The following PTBP3 variants were observed in gnomAD, a reference collection of about 807,000 sequenced individuals.
PTBP3 encodes polypyrimidine tract-binding protein 3.
A neutral mutation model predicts 58.7 loss-of-function variants in PTBP3; 20 were observed. The observed-to-expected ratio is 0.34, with a 90% CI of 0.24 to 0.50. PTBP3 has a LOEUF of 0.50. PTBP3 is among the 20% of genes least tolerant of loss of function. The pLI is 0.98. For synonymous variants in PTBP3, 185 were observed against 219.8 expected (o/e 0.84, Z 1.40); for missense variants, 509 against 637.2 (o/e 0.80, Z 2.17).
chr9:112,231,007 T>C lies in PTBP3; in HGVS notation c.1054+373A>G, dbSNP rs552309163. Among the ~76,000 whole-genome samples the C allele has an allele frequency of 2.1e-4, 32 of 151,006 alleles. No homozygotes were observed. In the South Asian group the frequency reaches 2.3e-3, roughly 11 times the overall value. On this transcript the variant is annotated intron_variant, in intron 10 of 13. Coordinates refer to ENST00000374257, the MANE Select transcript of PTBP3 (RefSeq NM_001163788.4). Reference sequence around the variant, plus strand: ...ACCAGGTCTCCATTATGCTTGCCTATGCTCACCACTGGGCTTCCTTCACTT... The same window carrying C: ...ACCAGGTCTCCATTATGCTTGCCTACGCTCACCACTGGGCTTCCTTCACTT...
the PTBP3 span, among the ~76,000 whole-genome samples, chr9:112,343,595 G>A: frequency 2.0e-5 from 3 of 151,982 alleles, no homozygotes; most frequent in African/African-American, 7.2e-5. Flanking sequence ...TTTGAGAACA[G>A]CCTGGCCAAC....
At chr9:112,311,351 T>C (rs990106271) in intron 1 of PTBP3, among the ~76,000 whole-genome samples, 2 of 152,186 alleles carry the variant, frequency 1.3e-5, no homozygotes, top group African/African-American at 4.8e-5. Flanking sequence ...CAATACAGCA[T>C]AACAACTATT....
At chr9:112,336,811 T>G (rs1406439027), upstream of PTBP3, among the ~76,000 whole-genome samples, 1 of 152,152 alleles carries the variant, frequency 6.6e-6, no homozygotes, top group African/African-American at 2.4e-5. Context: ...TGTCCGAAAT[T>G]TATTGTTCAT....
chr9:112,244,182 C>T (rs867317052), intron 7 of PTBP3, among the ~76,000 whole-genome samples: 6 of 148,416 alleles, frequency 4.0e-5, no homozygotes, highest in African/African-American at 1.0e-4. Context: ...GTCCCAGCTT[C>T]GGGAGGCTGA....
upstream of PTBP3, among the ~76,000 whole-genome samples, chr9:112,335,044 C>A (rs1177820549): frequency 6.6e-6 from 1 of 152,200 alleles, no homozygotes; most frequent in African/African-American, 2.4e-5. Context: ...GTAGCTGATG[C>A]AGTCTTTCTA....
intron 2 of PTBP3, among the ~76,000 whole-genome samples, chr9:112,288,879 C>T (rs7027045): frequency 0.85 from 129,082 of 152,050 alleles, 55,204 homozygotes; most frequent in African/African-American, 0.95. Flanking sequence ...TAAAGCAACC[C>T]GCATTTCTTG....
chr9:112,305,533 G>C (rs1331223677), intron 1 of PTBP3, among the ~76,000 whole-genome samples: 1 of 152,138 alleles, frequency 6.6e-6, no homozygotes, highest in Non-Finnish European at 1.5e-5. Context: ...CTGATGCTGG[G>C]GAAGTAATGT....
chr9:112,276,358 TA>T (rs1211572979), intron 2 of PTBP3, among the ~76,000 whole-genome samples: 2 of 152,214 alleles, frequency 1.3e-5, no homozygotes, highest in Non-Finnish European at 2.9e-5. Context: ...ATGATGCCTT[TA>T]ATGTATTTTA....
intron 2 of PTBP3, among the ~76,000 whole-genome samples, chr9:112,284,685 G>C (rs1230335632): frequency 6.6e-6 from 1 of 152,126 alleles, no homozygotes; most frequent in Non-Finnish European, 1.5e-5. Context: ...AACAGAGCAA[G>C]AATCCGTCTC....
chr9:112,293,241 T>C (rs1033726712), intron 2 of PTBP3, among the ~76,000 whole-genome samples: 2 of 152,104 alleles, frequency 1.3e-5, no homozygotes, highest in Non-Finnish European at 2.9e-5. Flanking sequence ...AGGAAATGAA[T>C]GAAAAAGGAA....
intron 5 of PTBP3, among the ~76,000 whole-genome samples, chr9:112,256,115 A>G (rs7872190): frequency 0.57 from 86,461 of 151,146 alleles, 26,996 homozygotes; most frequent in African/African-American, 0.85. Flanking sequence ...TTAGCCAGGC[A>G]TGGTGGTGCA....
At chr9:112,363,516 T>TCACACA in the PTBP3 span, among the ~76,000 whole-genome samples, 3,576 of 134,776 alleles carry the variant, frequency 0.027, 98 homozygotes, top group South Asian at 0.12. Context: ...AGCAAAACTG[T>TCACACA]CACACACACA....
chr9:112,296,183 C>A (rs1828681125), intron 2 of PTBP3, among the ~76,000 whole-genome samples: 2 of 152,098 alleles, frequency 1.3e-5, no homozygotes, highest in Non-Finnish European at 2.9e-5. Flanking sequence ...GACATGCCCA[C>A]ATTAAGCTAA....
chr9:112,283,798 C>T (rs1827985139), intron 2 of PTBP3, among the ~76,000 whole-genome samples: 1 of 152,212 alleles, frequency 6.6e-6, no homozygotes, highest in African/African-American at 2.4e-5. Flanking sequence ...ACGGGCTGGC[C>T]TGGGCCCTGC....
chr9:112,314,168 A>G (rs1430540231), intron 1 of PTBP3, among the ~76,000 whole-genome samples: 1 of 152,208 alleles, frequency 6.6e-6, no homozygotes, highest in Non-Finnish European at 1.5e-5. Flanking sequence ...GTCCTTGGGA[A>G]GTACTGGACC....
At chr9:112,375,000 G>A in the PTBP3 span, among the ~76,000 whole-genome samples, 1 of 152,198 alleles carries the variant, frequency 6.6e-6, no homozygotes, top group African/African-American at 2.4e-5. Context: ...CAGCCTTGGT[G>A]AGTGGAAGTC....
At chr9:112,225,794 C>T (rs751500649) in intron 12 of PTBP3, among the ~76,000 whole-genome samples, 4 of 152,170 alleles carry the variant, frequency 2.6e-5, no homozygotes, top group South Asian at 4.1e-4. Flanking sequence ...CAGTCGTTCA[C>T]GTCTCTAATC....
chr9:112,253,474 C>T (rs937544647), intron 5 of PTBP3, among the ~76,000 whole-genome samples: 1 of 152,094 alleles, frequency 6.6e-6, no homozygotes, highest in Non-Finnish European at 1.5e-5. Context: ...CGTGTGCTAC[C>T]TCAGCATCAC....
intron 1 of PTBP3, among the ~76,000 whole-genome samples, chr9:112,306,602 A>ATT (rs1225237143): frequency 1.4e-3 from 119 of 84,982 alleles, no homozygotes; most frequent in African/African-American, 8.5e-3. Context: ...ATATATATAT[A>ATT]TATTTTTGTT....
Sources: allele counts gnomAD v4.1 joint callset (sites outside exome capture counted in the v4.1 genomes callset), GRCh38; gene constraint gnomAD v4.1.1; transcripts MANE v1.5; gene names NCBI Gene and HGNC (gene_info 2026-07-23, HGNC 2026-07-21).